The following XG variants were observed in gnomAD, a reference collection of about 807,000 sequenced individuals.
XG encodes the protein Xg glycoprotein (Xg blood group), also known as glycoprotein Xg.
XG carries 24 observed loss-of-function variants against 25.7 expected under a neutral mutation model. The observed-to-expected ratio is 0.93, with a 90% CI of 0.68 to 1.31. The LOEUF is 1.31. Ranked by LOEUF, XG falls within the 40% of genes most tolerant of loss-of-function variation. XG has a pLI of 0.00. For missense variants in XG, 181 were observed against 187.6 expected (o/e 0.96, Z 0.21); for synonymous variants, 77 against 69.2 (o/e 1.11, Z -0.56).
intron 1 of XG, among the ~76,000 whole-genome samples, chrX:2,768,565 C>T (rs770667871): frequency 1.9e-4 from 29 of 152,200 alleles, no homozygotes; most frequent in Middle Eastern, 3.4e-3. Flanking sequence ...GTCAGGAGTT[C>T]GAGACCAGCC....
chrX:2,757,695 G>C (rs948507266), intron 1 of XG, among the ~76,000 whole-genome samples: 4 of 151,732 alleles, frequency 2.6e-5, no homozygotes, highest in Non-Finnish European at 5.9e-5. Flanking sequence ...TTGTGGGCCG[G>C]GCACAGTGGC....
At chrX:2,757,095 G>C (rs1603302172) in intron 1 of XG, among the ~76,000 whole-genome samples, 1 of 152,114 alleles carries the variant, frequency 6.6e-6, no homozygotes, top group African/African-American at 2.4e-5. Context: ...AAAGGGGATG[G>C]AGTGGGCAGA....
chrX:2,767,130 T>C (rs1446324586), intron 1 of XG, among the ~76,000 whole-genome samples: 3 of 152,070 alleles, frequency 2.0e-5, no homozygotes, highest in Non-Finnish European at 4.4e-5. Context: ...CGTGCAGGTC[T>C]GAATCAACAT....
intron 1 of XG, among the ~76,000 whole-genome samples, chrX:2,764,171 G>A (rs1370823804): frequency 6.6e-6 from 1 of 152,172 alleles, no homozygotes; most frequent in Non-Finnish European, 1.5e-5. Context: ...GTTTACAAAT[G>A]CCACGGCAAT....
Position 2,782,672 on chromosome X carries a change from G to C in XG, c.190+544G>C, listed in dbSNP as rs778770111. ...TGGTTGAGCCAGATTACCGGGCTGA[G>C]TGGTGTCAGCTGATCCATCCAGTGC... On this transcript the variant is annotated intron_variant, in intron 4 of 10. Coordinates refer to ENST00000644266, the MANE Select transcript of XG (RefSeq NM_001141919.2). 1.1e-4 allele frequency among the ~76,000 whole-genome samples: 12 copies of C among 111,303 alleles called. No homozygotes were observed. In the Middle Eastern group the frequency reaches 0.014, roughly 127 times the overall value.
chrX:2,766,652 C>T (rs1399773037), intron 1 of XG, among the ~76,000 whole-genome samples: 1 of 149,820 alleles, frequency 6.7e-6, no homozygotes, highest in Non-Finnish European at 1.5e-5. Flanking sequence ...GCAAGCTCCG[C>T]CTCCCGGGTT....
intron 3 of XG, among the ~76,000 whole-genome samples, chrX:2,780,589 A>G (rs887746047): frequency 1.4e-3 from 218 of 151,866 alleles, no homozygotes; most frequent in Non-Finnish European, 2.2e-3. Context: ...TTAGCTGGGC[A>G]TGGTGGTGTG....
chrX:2,809,736 C>T (rs766296631), intron 9 of XG, among the ~76,000 whole-genome samples: 1 of 112,000 alleles, frequency 8.9e-6, no homozygotes, highest in Non-Finnish European at 1.9e-5. Context: ...GTGTGGCCAG[C>T]GCTTTGACCA....
intron 2 of XG, among the ~76,000 whole-genome samples, chrX:2,771,305 TC>T (rs1360257926): frequency 6.6e-6 from 1 of 152,172 alleles, no homozygotes; most frequent in Non-Finnish European, 1.5e-5. Flanking sequence ...ATCCATGGCC[TC>T]CAATCTCCCC....
chrX:2,766,697 T>G (rs1328799376), intron 1 of XG, among the ~76,000 whole-genome samples: 1 of 151,098 alleles, frequency 6.6e-6, no homozygotes, highest in Non-Finnish European at 1.5e-5. Context: ...CCCGAGTAGC[T>G]GGGACTACAG....
chrX:2,765,112 C>G (rs368041038), intron 1 of XG, among the ~76,000 whole-genome samples: 3 of 142,344 alleles, frequency 2.1e-5, no homozygotes, highest in Non-Finnish European at 4.5e-5. Flanking sequence ...CTTTGGGAGG[C>G]CAAGGTGGGT....
intron 7 of XG, among the ~76,000 whole-genome samples, chrX:2,801,980 T>G (rs1461732901): frequency 9.9e-5 from 11 of 111,406 alleles, no homozygotes; most frequent in Admixed American, 4.8e-4. Context: ...GTGCTGGGAT[T>G]ACAGGCGTGA....
chrX:2,797,574 G>A (rs2086897646), intron 7 of XG, among the ~76,000 whole-genome samples: 2 of 104,211 alleles, frequency 1.9e-5, no homozygotes, highest in African/African-American at 7.6e-5. Flanking sequence ...ATACACACAC[G>A]CATACACACA....
At chrX:2,769,143 C>T (rs1005197616) in intron 1 of XG, among the ~76,000 whole-genome samples, 2 of 152,214 alleles carry the variant, frequency 1.3e-5, no homozygotes, top group African/African-American at 2.4e-5. Context: ...AAAGCCTGCC[C>T]GGGTGGCATC....
chrX:2,812,029 A>G (rs1475859801), intron 10 of XG, among the ~76,000 whole-genome samples: 3 of 111,891 alleles, frequency 2.7e-5, no homozygotes, highest in African/African-American at 9.7e-5. Context: ...AACAAACAAA[A>G]ATTACCAACC....
At chrX:2,757,730 G>T (rs1410089440) in intron 1 of XG, among the ~76,000 whole-genome samples, 2 of 151,820 alleles carry the variant, frequency 1.3e-5, no homozygotes, top group African/African-American at 4.8e-5. Flanking sequence ...CCAGCAGTTT[G>T]GGAGGCCGAG....
intron 2 of XG, among the ~76,000 whole-genome samples, chrX:2,771,866 G>C (rs911450937): frequency 3.9e-5 from 6 of 152,146 alleles, no homozygotes; most frequent in African/African-American, 1.4e-4. Flanking sequence ...CAAAATTGTT[G>C]TCAGTGCAAC....
chrX:2,805,575 A>G (rs1454129485), intron 7 of XG, among the ~76,000 whole-genome samples: 4 of 107,154 alleles, frequency 3.7e-5, no homozygotes, highest in African/African-American at 1.4e-4. Context: ...GTGGCTTAGA[A>G]ACAGCAGACA....
chrX:2,794,378 TA>T (rs2086863874), intron 5 of XG, among the ~76,000 whole-genome samples, 156 bp from the exon 6 acceptor site: 1 of 112,150 alleles, frequency 8.9e-6, no homozygotes, highest in South Asian at 3.7e-4. Context: ...GCCCACAAGG[TA>T]ATTTAATTCC....
Sources: gnomAD v4.1 joint callset for allele counts (sites outside exome capture counted in the v4.1 genomes callset) on GRCh38, gnomAD v4.1.1 for gene constraint, MANE v1.5 for transcripts, NCBI Gene and HGNC (gene_info 2026-07-23, HGNC 2026-07-21) for gene names.